Variants in PHF2 observed in about 807,000 individuals in gnomAD.
PHF2 encodes the protein PHD finger protein 2.
A neutral mutation model predicts 120.5 loss-of-function variants in PHF2; 27 were observed. That is an observed-to-expected ratio of 0.22 (90% CI 0.17 to 0.31). PHF2 has a LOEUF of 0.31. Ranked by LOEUF, PHF2 falls within the 10% of genes least tolerant of loss-of-function variation. The pLI is 1.00. For missense variants in PHF2, 1,024 were observed against 1,434.8 expected, an observed-to-expected ratio of 0.71 and a Z score of 4.63; for synonymous variants, 568 against 592.5, an observed-to-expected ratio of 0.96 and a Z score of 0.60.
chr9:93,658,873 G>A (rs1180421141), intron 10 of PHF2, among the ~76,000 whole-genome samples: 3 of 152,184 alleles, frequency 2.0e-5, no homozygotes, highest in African/African-American at 7.2e-5. Flanking sequence ...GTGTTGCTTA[G>A]CATCTTCCCT....
chr9:93,661,529 AGATGAATG>A (rs1203972646), intron 12 of PHF2, among the ~76,000 whole-genome samples: 1 of 152,176 alleles, frequency 6.6e-6, no homozygotes, highest in African/African-American at 2.4e-5. Flanking sequence ...ATGGATGAAT[AGATGAATG>A]AATAGATGGC....
In PHF2 at chr9:93,656,036, G is replaced by A. The variant is rs776285652; in HGVS notation, c.1040+15G>A. On this transcript the variant is annotated intron_variant, in intron 8 of 21. Transcript: ENST00000359246. The surrounding 1 kb of genome is among the most constrained non-coding windows in gnomAD (Gnocchi z 4.1). ...ATGCAGATGAGGTAGTGCCTGCCGC[G>A]CTGTCTGCCCTCGGGCTCCGCAGAG... 1.9e-5 allele frequency: 30 copies of A among 1,604,944 alleles called. No individual in the cohort carries two copies. The highest frequency in any genetic ancestry group is 5.0e-5 in the Admixed American group (3 of 59,458).
intron 12 of PHF2, among the ~76,000 whole-genome samples, chr9:93,661,629 G>A (rs1433467170): frequency 6.6e-6 from 1 of 151,512 alleles, no homozygotes; most frequent in African/African-American, 2.4e-5. Context: ...ATGGATGGAA[G>A]GACGAATAAA....
intron 14 of PHF2, among the ~76,000 whole-genome samples, chr9:93,664,055 C>T (rs918040106): frequency 2.6e-5 from 4 of 152,228 alleles, no homozygotes; most frequent in Non-Finnish European, 5.9e-5. Context: ...AGGGATGGCC[C>T]CCCAGGTAGG....
intron 17 of PHF2, chr9:93,672,317 G>A (rs1826814456): frequency 1.3e-6 from 1 of 758,146 alleles, no homozygotes; most frequent in Admixed American, 6.3e-5. Flanking sequence ...TGTGGATGTA[G>A]GTACAGGTGT....
intron 4 of PHF2, among the ~76,000 whole-genome samples, chr9:93,646,768 C>T (rs1230163255): frequency 1.3e-5 from 2 of 152,188 alleles, no homozygotes; most frequent in Admixed American, 1.3e-4. Flanking sequence ...CCTGGGGCTA[C>T]CGAGACTGGG....
At chr9:93,606,853 T>C (rs1194251800) in intron 1 of PHF2, among the ~76,000 whole-genome samples, 1 of 151,986 alleles carries the variant, frequency 6.6e-6, no homozygotes, top group Non-Finnish European at 1.5e-5. Context: ...GTCTATGATT[T>C]AAAGTTGTTT....
rs1482919969 is a variant in PHF2, at chr9:93,676,601, A to T, written c.2840A>T (p.Gln947Leu). 6.3e-7 allele frequency: 1 copy of T among 1,596,038 alleles called. No individual in the cohort carries two copies. Among genetic ancestry groups the T allele is most frequent in the South Asian group, 1.1e-5 (1 of 89,326 alleles). Residue 947 changes from glutamine to leucine, a missense_variant, in exon 21 of 22, where the codon CAG becomes CTG. Gln to Leu is a moderately radical substitution (Grantham distance 113). Around this residue, in one of 2 missense-constraint regions of PHF2, gnomAD observed 677 missense variants for 857.4 expected, o/e 0.79. Transcript: ENST00000359246. Reference protein sequence around the residue: ...AAAKLSQQEEQKSKKKKSAKR... With the variant: ...AAAKLSQQEELKSKKKKSAKR... ...TGCATGTTTTGTTCAAAGGAGGAGC[A>T]GAAAAGCAAGAAAAAAAAGAGTGCC...
intron 1 of PHF2, among the ~76,000 whole-genome samples, chr9:93,602,577 T>A (rs953320200): frequency 6.6e-6 from 1 of 152,080 alleles, no homozygotes; most frequent in Non-Finnish European, 1.5e-5. Flanking sequence ...GTTTATTGAC[T>A]TTGATCATTT....
At position 93,677,523 on chromosome 9, in the gene PHF2, G is replaced by T; in HGVS notation, c.3203-65G>T. 8.1e-7 allele frequency: 1 copy of T among 1,235,502 alleles called. No homozygotes were observed. 76.5% of individuals were successfully genotyped at this position (1,235,502 alleles called of 1,614,324 possible). ...GTCAGCGGGACCCTCCCCCCCACCG[G>T]CATGCCACGCCCCTTGCCATCTAGC... On this transcript the variant is annotated intron_variant, in intron 21 of 21. Transcript: ENST00000359246. This position sits in a 1 kb window ranked among gnomAD's most constrained non-coding sequence, Gnocchi z 4.4.
At chr9:93,595,130 G>A (rs1192374819) in intron 1 of PHF2, among the ~76,000 whole-genome samples, 3 of 152,156 alleles carry the variant, frequency 2.0e-5, no homozygotes, top group Non-Finnish European at 4.4e-5. Context: ...ACTTACAGAT[G>A]CTAAATGATT....
intron 1 of PHF2, among the ~76,000 whole-genome samples, chr9:93,600,113 AGTATGTGTGTG>A (rs977928524): frequency 1.3e-5 from 2 of 151,654 alleles, no homozygotes; most frequent in South Asian, 2.1e-4. Context: ...GTATGTGTGT[AGTATGTGTGTG>A]GTATGTGTGT....
chr9:93,654,846 G>A (rs1188919320), intron 7 of PHF2, among the ~76,000 whole-genome samples: 1 of 152,188 alleles, frequency 6.6e-6, no homozygotes, highest in Non-Finnish European at 1.5e-5. Flanking sequence ...CCTCACCACC[G>A]AGGCCACCTT....
intron 18 of PHF2, 67 bp from the exon 19 acceptor site, chr9:93,674,860 C>T: frequency 8.7e-7 from 1 of 1,153,816 alleles, no homozygotes; most frequent in Non-Finnish European, 1.3e-6. Flanking sequence ...CACCTGTACC[C>T]CCCCGCCCTC....
At chr9:93,576,974 A>G in intron 1 of PHF2, 103 bp downstream of exon 1, 1 of 330,316 alleles carries the variant, frequency 3.0e-6, no homozygotes, top group Non-Finnish European at 4.2e-6. Flanking sequence ...CGGCTCGGGG[A>G]CGGGCCGCCG....
intron 3 of PHF2, among the ~76,000 whole-genome samples, chr9:93,640,975 C>T (rs779796457): frequency 5.9e-5 from 9 of 152,178 alleles, no homozygotes; most frequent in Non-Finnish European, 8.8e-5. Context: ...TCATGTTAAA[C>T]AGAGTCTGTG....
At chr9:93,653,142 C>T (rs745476023) in intron 5 of PHF2, 37 bp from the exon 6 acceptor site, 153 of 1,596,082 alleles carry the variant, frequency 9.6e-5, no homozygotes, top group Admixed American at 1.3e-4. Flanking sequence ...AAAAGGGAGT[C>T]CCAGGTTCCC....
intron 1 of PHF2, among the ~76,000 whole-genome samples, chr9:93,615,124 A>G (rs1825704181): frequency 6.6e-6 from 1 of 150,684 alleles, no homozygotes; most frequent in African/African-American, 2.5e-5. Flanking sequence ...GGTGATGGCG[A>G]TGATGATGGT....
At chr9:93,676,541 G>T in intron 20 of PHF2, 53 bp from the exon 21 acceptor site, 1 of 1,547,108 alleles carries the variant, frequency 6.5e-7, no homozygotes. Context: ...TCCCTGCTCT[G>T]TTGGCCCAAG....
Sources: gnomAD v4.1 joint callset for allele counts (sites outside exome capture counted in the v4.1 genomes callset) on GRCh38, gnomAD v4.1.1 for gene constraint, gnomAD v4.1.1 regional missense constraint, Gnocchi (gnomAD v3.1) non-coding constraint, MANE v1.5 for transcripts, NCBI Gene and HGNC (gene_info 2026-07-23, HGNC 2026-07-21) for gene names.